Variants in ESR1 observed in about 807,000 individuals in gnomAD.
ESR1 encodes the protein estrogen receptor 1, also known as estrogen receptor.
ESR1 carries 12 observed loss-of-function variants against 52.7 expected under a neutral mutation model. The observed-to-expected ratio is 0.23, with a 90% CI of 0.15 to 0.37. The LOEUF is 0.37. ESR1 is among the 10% of genes least tolerant of loss of function. ESR1 has a pLI of 1.00. For synonymous variants in ESR1, 305 were observed against 316.8 expected (o/e 0.96, Z 0.39); for missense variants, 584 against 779.7 (o/e 0.75, Z 2.99).
intron 5 of ESR1, among the ~76,000 whole-genome samples, chr6:152,018,328 A>G (rs775444165): frequency 5.9e-5 from 9 of 152,040 alleles, no homozygotes; most frequent in Non-Finnish European, 8.8e-5. Flanking sequence ...AAAAATGCCC[A>G]AAAATCAATG....
intron 2 of ESR1, among the ~76,000 whole-genome samples, chr6:151,877,104 G>T (rs1411083962): frequency 6.6e-6 from 1 of 151,860 alleles, no homozygotes; most frequent in East Asian, 1.9e-4. Flanking sequence ...AATTTAAAAA[G>T]AATTTCTTCT....
chr6:151,910,590 G>A (rs1798113344), intron 3 of ESR1, among the ~76,000 whole-genome samples: 1 of 152,140 alleles, frequency 6.6e-6, no homozygotes, highest in South Asian at 2.1e-4. Context: ...TCTATAAAAT[G>A]ATGATGAAAA....
chr6:152,011,681 T>C lies in ESR1; in HGVS notation c.1122T>C (p.Asp374=). The C allele has an allele frequency of 2.5e-6, 4 of 1,613,278 alleles. No homozygotes were observed. Among genetic ancestry groups the C allele is most frequent in the Non-Finnish European group, 3.4e-6 (4 of 1,179,516 alleles). Residue 374 remains aspartate, a synonymous_variant, in exon 5 of 8, where the codon GAT becomes GAC. Transcript: ENST00000206249. Reference sequence around the variant, plus strand: ...GCTTTGTGGATTTGACCCTCCATGATCAGGTCCACCTTCTAGAATGTGCCT... The same window carrying C: ...GCTTTGTGGATTTGACCCTCCATGACCAGGTCCACCTTCTAGAATGTGCCT... The part of the protein sequence containing the change: ...VPGFVDLTLH[D]QVHLLECAWL...
intron 2 of ESR1, among the ~76,000 whole-genome samples, chr6:151,858,581 GTTT>G (rs11354030): frequency 2.2e-5 from 3 of 134,070 alleles, no homozygotes; most frequent in East Asian, 2.2e-4. Flanking sequence ...ATCCGTTCCT[GTTT>G]TTTTTTTTTT....
chr6:152,011,306 A>G (rs1229070045), intron 4 of ESR1, among the ~76,000 whole-genome samples: 1 of 152,128 alleles, frequency 6.6e-6, no homozygotes, highest in Non-Finnish European at 1.5e-5. Context: ...TTCTACTCAA[A>G]CAGAAATGAG....
chr6:152,098,660 T>C lies in ESR1; in HGVS notation c.1554-72T>C, dbSNP rs1181300635. The C allele has an allele frequency of 3.3e-6, 4 of 1,227,774 alleles. No individual in the cohort carries two copies. The highest frequency in any genetic ancestry group is 1.9e-5 in the Admixed American group (1 of 53,190). The allele number at this position is 1,227,774 out of a possible 1,614,324, so 76.1% of individuals were successfully genotyped here. On this transcript the variant is annotated intron_variant, in intron 7 of 7. Coordinates refer to ENST00000206249, the MANE Select transcript of ESR1 (RefSeq NM_000125.4). This position sits in a 1 kb window ranked among gnomAD's most constrained non-coding sequence, Gnocchi z 5.1. ...CTTTGGAGTTCCTCTTCCTTCCCCTTCTAGGGATTTCAGCACTCCTGGGGC... is the reference window on the plus strand; with the variant it reads ...CTTTGGAGTTCCTCTTCCTTCCCCTCCTAGGGATTTCAGCACTCCTGGGGC...
At chr6:151,669,188 G>GAGAGAGAGAGAA (rs1180447459) in intron 1 of ESR1, among the ~76,000 whole-genome samples, 2 of 112,558 alleles carry the variant, frequency 1.8e-5, no homozygotes, top group African/African-American at 6.1e-5. Flanking sequence ...GAGAGAGAGA[G>GAGAGAGAGAGAA]ATGGGAATCC....
chr6:151,975,224 C>T (rs1389498163), intron 4 of ESR1, among the ~76,000 whole-genome samples: 1 of 152,204 alleles, frequency 6.6e-6, no homozygotes, highest in African/African-American at 2.4e-5. Flanking sequence ...TGCCATGCAT[C>T]TCCTACAAGG....
At chr6:151,858,217 A>T (rs184737801) in intron 2 of ESR1, among the ~76,000 whole-genome samples, 22 of 152,344 alleles carry the variant, frequency 1.4e-4, no homozygotes, top group African/African-American at 4.1e-4. Context: ...ATACAATATT[A>T]TTCCTTTGGG....
chr6:151,864,352 G>A (rs1036660982), intron 2 of ESR1, among the ~76,000 whole-genome samples: 4 of 152,106 alleles, frequency 2.6e-5, no homozygotes, highest in African/African-American at 9.7e-5. Flanking sequence ...CATCATCATT[G>A]GCCATCAGAG....
rs558977323 is a variant in ESR1 at position 152,067,488 on chromosome 6, C to T, written c.1369+6364C>T. ...ATCTCCCAGATACTCAATTTGATTA[C>T]CATTTTATCCTACCTTCTCTAGGGT... On this transcript the variant is annotated intron_variant, in intron 6 of 7. Transcript: ENST00000206249. Among the ~76,000 whole-genome samples the T allele has an allele frequency of 3.3e-5, 5 of 152,286 alleles. No individual in the cohort carries two copies. In the South Asian group the frequency reaches 1.0e-3, roughly 32 times the overall value.
intron 3 of ESR1, among the ~76,000 whole-genome samples, chr6:151,908,637 A>G (rs1479461775): frequency 1.3e-5 from 2 of 152,194 alleles, no homozygotes; most frequent in African/African-American, 4.8e-5. Context: ...CTAAAAAGTT[A>G]TGTCATGATG....
chr6:151,903,114 C>T (rs1584097633), intron 3 of ESR1, among the ~76,000 whole-genome samples: 1 of 152,264 alleles, frequency 6.6e-6, no homozygotes. Flanking sequence ...TATTTTGTCC[C>T]GTATGCCTCC....
chr6:151,972,636 T>A (rs1423767998), intron 4 of ESR1, among the ~76,000 whole-genome samples: 2 of 152,172 alleles, frequency 1.3e-5, no homozygotes, highest in Non-Finnish European at 2.9e-5. Flanking sequence ...TGGGGAATGG[T>A]CTTCATGGAA....
At chr6:152,012,928 A>T (rs1041493039) in intron 5 of ESR1, among the ~76,000 whole-genome samples, 2 of 152,190 alleles carry the variant, frequency 1.3e-5, no homozygotes, top group Non-Finnish European at 2.9e-5. Context: ...GTTGCAGCAA[A>T]ATTTATTTAA....
chr6:152,057,471 A>G (rs566950738), intron 5 of ESR1, among the ~76,000 whole-genome samples: 2 of 152,294 alleles, frequency 1.3e-5, no homozygotes, highest in South Asian at 4.1e-4. Context: ...ATATATCAGG[A>G]TAAACTTCTT....
chr6:151,760,919 C>T (rs755621247), intron 2 of ESR1, among the ~76,000 whole-genome samples: 1 of 152,046 alleles, frequency 6.6e-6, no homozygotes, highest in Non-Finnish European at 1.5e-5. Flanking sequence ...ATGATTGAGA[C>T]CTTTTTGGAA....
intron 3 of ESR1, among the ~76,000 whole-genome samples, chr6:151,920,480 A>G (rs1450455647): frequency 6.6e-6 from 1 of 152,170 alleles, no homozygotes; most frequent in Non-Finnish European, 1.5e-5. Flanking sequence ...ATTATTAGTA[A>G]CTAAATCTAT....
At chr6:151,915,213 T>C (rs1356160652) in intron 3 of ESR1, among the ~76,000 whole-genome samples, 1 of 149,916 alleles carries the variant, frequency 6.7e-6, no homozygotes, top group Non-Finnish European at 1.5e-5. Context: ...AAAGGTGAAA[T>C]GAAAAACAAA....
Sources: allele counts gnomAD v4.1 joint callset (sites outside exome capture counted in the v4.1 genomes callset), GRCh38; gene constraint gnomAD v4.1.1; non-coding constraint Gnocchi (gnomAD v3.1); transcripts MANE v1.5; gene names NCBI Gene and HGNC (gene_info 2026-07-23, HGNC 2026-07-21).